BNC2: variants seen among roughly 807,000 people sequenced by gnomAD.
BNC2 encodes the protein zinc finger protein basonuclin-2.
BNC2 carries 20 observed loss-of-function variants against 76.3 expected under a neutral mutation model. The observed-to-expected ratio is 0.26, with a 90% CI of 0.18 to 0.38. The LOEUF (loss-of-function observed/expected upper bound fraction) is 0.38. BNC2 is among the 10% of genes least tolerant of loss of function. The pLI is 1.00. For missense variants in BNC2, 1,382 were observed against 1,399.8 expected (o/e 0.99, Z 0.20); for synonymous variants, 582 against 514.8 (o/e 1.13, Z -1.77).
chr9:16,737,530 G>A (rs1386157401), intron 2 of BNC2, among the ~76,000 whole-genome samples: 7 of 140,642 alleles, frequency 5.0e-5, no homozygotes, highest in African/African-American at 5.3e-5. Context: ...GATTACAGGC[G>A]TGAGCCACCG....
intron 3 of BNC2, among the ~76,000 whole-genome samples, chr9:16,617,646 G>A (rs1820748976): frequency 6.6e-6 from 1 of 152,146 alleles, no homozygotes; most frequent in Non-Finnish European, 1.5e-5. Flanking sequence ...TGAAGGGTCA[G>A]GTTCCAGGGG....
chr9:16,659,545 T>C (rs1406906227), intron 3 of BNC2, among the ~76,000 whole-genome samples: 1 of 150,632 alleles, frequency 6.6e-6, no homozygotes, highest in Non-Finnish European at 1.5e-5. Flanking sequence ...GAGGCGGAAA[T>C]TGAAGTTAGC....
chr9:16,763,012 C>A (rs892183922), intron 1 of BNC2, among the ~76,000 whole-genome samples: 2 of 151,984 alleles, frequency 1.3e-5, no homozygotes, highest in Admixed American at 1.3e-4. Flanking sequence ...ACTCACTTAT[C>A]AATACAGTGA....
intron 3 of BNC2, among the ~76,000 whole-genome samples, chr9:16,694,806 G>A (rs2134468294): frequency 6.6e-6 from 1 of 152,218 alleles, no homozygotes; most frequent in Admixed American, 6.5e-5. Context: ...CAAGCCTGCT[G>A]AGGACCCCAG....
At chr9:16,541,896 A>G (rs1818332924) in intron 5 of BNC2, among the ~76,000 whole-genome samples, 1 of 152,112 alleles carries the variant, frequency 6.6e-6, no homozygotes, top group South Asian at 2.1e-4. Context: ...AAAAATGCCT[A>G]TTGTGCACAG....
chr9:16,840,925 T>G (rs1256258112), intron 1 of BNC2, among the ~76,000 whole-genome samples: 1 of 152,178 alleles, frequency 6.6e-6, no homozygotes, highest in Non-Finnish European at 1.5e-5. Flanking sequence ...TAGATAATAT[T>G]GTATCTAACA....
At chr9:16,849,729 G>C (rs548502651) in intron 1 of BNC2, among the ~76,000 whole-genome samples, 1 of 151,970 alleles carries the variant, frequency 6.6e-6, no homozygotes. Context: ...CAACAACACA[G>C]ATTTTTCCAA....
chr9:16,821,126 G>C (rs530829182), intron 1 of BNC2, among the ~76,000 whole-genome samples: 3 of 151,682 alleles, frequency 2.0e-5, no homozygotes, highest in South Asian at 2.1e-4. Flanking sequence ...CCAGCTACTC[G>C]GGAGGCTGAG....
At chr9:16,727,451 T>TAG (rs1563917134) in intron 3 of BNC2, 2 of 258,006 alleles carry the variant, frequency 7.8e-6, no homozygotes, top group African/African-American at 2.3e-5. Flanking sequence ...TTCATATTGA[T>TAG]AGATACATTT....
At chr9:16,445,757 C>G (rs545320946) in intron 5 of BNC2, among the ~76,000 whole-genome samples, 1 of 152,256 alleles carries the variant, frequency 6.6e-6, no homozygotes, top group East Asian at 1.9e-4. Context: ...CCTATGTGAA[C>G]AAATATGCTT....
intron 1 of BNC2, among the ~76,000 whole-genome samples, chr9:16,758,798 A>G (rs1221530801): frequency 2.0e-5 from 3 of 152,218 alleles, no homozygotes; most frequent in Non-Finnish European, 4.4e-5. Flanking sequence ...AAATCTGCCA[A>G]TTTAATATAA....
At chr9:16,506,291 A>G (rs1446130714) in intron 5 of BNC2, among the ~76,000 whole-genome samples, 2 of 152,116 alleles carry the variant, frequency 1.3e-5, no homozygotes, top group East Asian at 3.9e-4. Flanking sequence ...TCTGGATGAG[A>G]CCTCAAAAGA....
intron 3 of BNC2, among the ~76,000 whole-genome samples, chr9:16,672,722 G>A (rs1304011002): frequency 6.6e-6 from 1 of 152,174 alleles, no homozygotes; most frequent in African/African-American, 2.4e-5. Context: ...TTTTACAAGA[G>A]AGATTACATG....
intron 3 of BNC2, among the ~76,000 whole-genome samples, chr9:16,721,072 G>A (rs779254977): frequency 2.6e-5 from 4 of 152,234 alleles, no homozygotes; most frequent in Non-Finnish European, 5.9e-5. Flanking sequence ...AAAGATGGCA[G>A]TACAGGTCAG....
chr9:16,609,730 C>T (rs1282890678), intron 3 of BNC2, among the ~76,000 whole-genome samples: 1 of 152,126 alleles, frequency 6.6e-6, no homozygotes, highest in African/African-American at 2.4e-5. Context: ...CAAGAAAGGT[C>T]TTCTCTGCTG....
chr9:16,482,432 C>G (rs1248249295), intron 5 of BNC2, among the ~76,000 whole-genome samples: 1 of 151,672 alleles, frequency 6.6e-6, no homozygotes, highest in African/African-American at 2.4e-5. Flanking sequence ...AAATAGTCAT[C>G]TATAGAAACT....
At chr9:16,437,566 A>C (rs1213978932) in intron 5 of BNC2, 42 bp from the exon 6 acceptor site, 16 of 1,598,552 alleles carry the variant, frequency 1.0e-5, no homozygotes, top group Non-Finnish European at 1.3e-5. Flanking sequence ...AAACACAAAA[A>C]CTTATTGATT....
chr9:16,596,589 G>C (rs1252884282), intron 3 of BNC2, among the ~76,000 whole-genome samples: 1 of 152,100 alleles, frequency 6.6e-6, no homozygotes, highest in African/African-American at 2.4e-5. Context: ...TTCACTTACA[G>C]AGAAGCAGGC....
chr9:16,648,299 A>G (rs1319575643), intron 3 of BNC2, among the ~76,000 whole-genome samples: 2 of 152,228 alleles, frequency 1.3e-5, no homozygotes, highest in African/African-American at 2.4e-5. Context: ...CTAAAACTAT[A>G]TGGTTCAGAG....
Sources: allele counts gnomAD v4.1 joint callset (sites outside exome capture counted in the v4.1 genomes callset), GRCh38; gene constraint gnomAD v4.1.1; transcripts MANE v1.5; gene names NCBI Gene and HGNC (gene_info 2026-07-23, HGNC 2026-07-21).